The following GCKR variants were observed in gnomAD, a reference collection of about 807,000 sequenced individuals.
GCKR encodes the protein glucokinase regulatory protein.
In GCKR, 73 loss-of-function variants were observed where a neutral mutation model predicts 82.9. The ratio of observed to expected loss-of-function variants is 0.88; its 90% CI spans 0.73 to 1.07. The LOEUF is 1.07. GCKR is among the 50% of genes least tolerant of loss of function. The probability of loss-of-function intolerance (pLI) is 0.00; values close to 1 mark genes in which losing one functional copy is unlikely to be tolerated. For missense variants in GCKR, 784 were observed against 782.1 expected (o/e 1.00, Z -0.03); for synonymous variants, 294 against 291.8 (o/e 1.01, Z -0.08).
intron 11 of GCKR, 31 bp downstream of exon 11, chr2:27,506,610 G>A (rs1669752578): frequency 6.8e-7 from 1 of 1,461,972 alleles, no homozygotes; most frequent in Non-Finnish European, 9.6e-7. Context: ...AGGTGAGGAT[G>A]TGGCCCGGAT....
rs1669801827 is a variant in GCKR, at chr2:27,508,316, A to G, written c.1422+65A>G. 4.6e-6 allele frequency: 5 copies of G among 1,097,942 alleles called. No homozygotes were observed. In the South Asian group the frequency reaches 5.0e-5, roughly 11 times the overall value. The allele number at this position is 1,097,942 out of a possible 1,614,324, so 68.0% of individuals were successfully genotyped here. A position where few individuals can be genotyped will look rare whatever the true frequency, so the allele number is the denominator to read the frequency against. On this transcript the variant is annotated intron_variant, in intron 16 of 18. Coordinates refer to ENST00000264717, the MANE Select transcript of GCKR (RefSeq NM_001486.4). ...CAGAGGGTGAGGGATTCCAAGAATC[A>G]AAAAACCCAAGGCTGTAGGGCAGAA... is the stretch of plus-strand genomic sequence containing the variant.
chr2:27,503,235 A>T (rs1003180871), intron 8 of GCKR, among the ~76,000 whole-genome samples: 1 of 152,228 alleles, frequency 6.6e-6, no homozygotes, highest in Non-Finnish European at 1.5e-5. Context: ...ATTGGGGCTT[A>T]TGCAAGGAGC....
chr2:27,510,267 C>T (rs1669850542), intron 16 of GCKR, among the ~76,000 whole-genome samples: 1 of 152,174 alleles, frequency 6.6e-6, no homozygotes, highest in African/African-American at 2.4e-5. Flanking sequence ...CCTCAGCCTC[C>T]CAAAGTGCTG....
At position 27,501,796 on chromosome 2, in the gene GCKR, A is replaced by G. The variant is rs186369278; in HGVS notation, c.644+567A>G. ...CCTCTTATTCTCTATGTCAGTGGTC[A>G]CTCTTATTTCAGAATAAATCAACAT... On this transcript the variant is annotated intron_variant, in intron 8 of 18. Transcript: ENST00000264717. 2,723 of 471,008 alleles carry G rather than the reference A, an allele frequency of 5.8e-3. 17 individuals are homozygous for G. The highest frequency in any genetic ancestry group is 0.028 in the Middle Eastern group (87 of 3,076). 29.2% of individuals were successfully genotyped at this position (471,008 alleles called of 1,614,324 possible).
chr2:27,516,283 GTTTTTTTTTTTTTTT>G (rs35189790), intron 16 of GCKR, among the ~76,000 whole-genome samples: 3 of 58,550 alleles, frequency 5.1e-5, no homozygotes, highest in African/African-American at 2.4e-4. Flanking sequence ...CTTCATTCTT[GTTTTTTTTTTTTTTT>G]TTTTTTTTTT....
intron 16 of GCKR, among the ~76,000 whole-genome samples, chr2:27,517,000 C>T (rs1011099070): frequency 1.4e-5 from 2 of 147,592 alleles, no homozygotes; most frequent in African/African-American, 5.0e-5. Flanking sequence ...GCTAGGACCA[C>T]GTGTATTAGT....
chr2:27,521,846 C>T (rs1670161230), intron 17 of GCKR, among the ~76,000 whole-genome samples: 1 of 152,104 alleles, frequency 6.6e-6, no homozygotes, highest in African/African-American at 2.4e-5. Context: ...CCTCAGCCTC[C>T]TGAGTAGCTG....
chr2:27,510,869 A>G (rs558745830), intron 16 of GCKR, among the ~76,000 whole-genome samples: 89 of 151,808 alleles, frequency 5.9e-4, no homozygotes, highest in Non-Finnish European at 1.0e-3. Context: ...TAGCAAAAAC[A>G]GTAGCCCTTT....
intron 16 of GCKR, among the ~76,000 whole-genome samples, chr2:27,514,266 T>TAC (rs1295460059): frequency 3.9e-5 from 6 of 151,918 alleles, no homozygotes; most frequent in Non-Finnish European, 5.9e-5. Flanking sequence ...TATATATATA[T>TAC]ACACACACAT....
At chr2:27,498,019 C>A (rs1201554684) in intron 3 of GCKR, among the ~76,000 whole-genome samples, 1 of 152,208 alleles carries the variant, frequency 6.6e-6, no homozygotes, top group East Asian at 1.9e-4. Flanking sequence ...GCTTTCAGTT[C>A]TTTCTGGGAG....
intron 16 of GCKR, among the ~76,000 whole-genome samples, chr2:27,514,354 A>T (rs1411500252): frequency 1.3e-5 from 2 of 151,942 alleles, no homozygotes; most frequent in African/African-American, 2.4e-5. Context: ...GATAATGTTG[A>T]TTTCCAACAT....
At chr2:27,515,280 TTTA>T (rs2148590298) in intron 16 of GCKR, among the ~76,000 whole-genome samples, 1 of 150,910 alleles carries the variant, frequency 6.6e-6, no homozygotes, top group African/African-American at 2.4e-5. Context: ...CCAGCCTTAT[TTTA>T]TTATTTTTTT....
chr2:27,509,620 G>A, intron 16 of GCKR: 1 of 381,350 alleles, frequency 2.6e-6, no homozygotes, highest in Non-Finnish European at 5.6e-6. Context: ...GAGATTGCAG[G>A]CGTGAGCCAC....
At chr2:27,505,654 T>G (rs1669713109) in intron 9 of GCKR, 64 bp from the exon 10 acceptor site, 1 of 865,590 alleles carries the variant, frequency 1.2e-6, no homozygotes, top group Non-Finnish European at 2.0e-6. Flanking sequence ...CGGGGGTTAC[T>G]AACAAGTGGT....
At chr2:27,500,189 C>G (rs1398524429) in intron 7 of GCKR, among the ~76,000 whole-genome samples, 1 of 152,130 alleles carries the variant, frequency 6.6e-6, no homozygotes, top group Admixed American at 6.5e-5. Context: ...CTCCCAGGTT[C>G]AAGCGATTCT....
At chr2:27,521,751 C>T (rs978969690) in intron 17 of GCKR, among the ~76,000 whole-genome samples, 9 of 151,864 alleles carry the variant, frequency 5.9e-5, no homozygotes, top group Non-Finnish European at 1.3e-4. Context: ...CAGGGTCTCA[C>T]GCTGTTACCC....
chr2:27,501,821 T>C (rs189744845), intron 8 of GCKR: 40 of 470,472 alleles, frequency 8.5e-5, no homozygotes, highest in African/African-American at 5.8e-4. Context: ...TAAATCAACA[T>C]ATTAAACCAG....
At chr2:27,499,099 T>C (rs971389143) in intron 5 of GCKR, 43 bp from the exon 6 acceptor site, 6 of 1,204,208 alleles carry the variant, frequency 5.0e-6, no homozygotes, top group East Asian at 2.3e-5. Context: ...CATAGGCTTC[T>C]GCTTTCCAGC....
chr2:27,507,353 A>G, intron 13 of GCKR, 42 bp downstream of exon 13: 1 of 1,242,876 alleles, frequency 8.0e-7, no homozygotes, highest in Non-Finnish European at 1.2e-6. Flanking sequence ...GGAGACCACT[A>G]GTGTGCTGAG....
Sources: gnomAD v4.1 joint callset for allele counts (sites outside exome capture counted in the v4.1 genomes callset) on GRCh38, gnomAD v4.1.1 for gene constraint, MANE v1.5 for transcripts, NCBI Gene and HGNC (gene_info 2026-07-23, HGNC 2026-07-21) for gene names.